The following SEMA3G variants were observed in gnomAD, a reference collection of about 807,000 sequenced individuals.
SEMA3G encodes the protein semaphorin-3G.
In SEMA3G, 70 loss-of-function variants were observed where a neutral mutation model predicts 86.2. The ratio of observed to expected loss-of-function variants is 0.81; its 90% CI spans 0.67 to 0.99. SEMA3G has a LOEUF of 0.99. SEMA3G is among the 50% of genes least tolerant of loss of function. The pLI is 0.00. For missense variants in SEMA3G, 1,002 were observed against 1,072.4 expected, an observed-to-expected ratio of 0.93 and a Z score of 0.92; for synonymous variants, 416 against 441.4, an observed-to-expected ratio of 0.94 and a Z score of 0.72.
At position 52,439,983 on chromosome 3, in the gene SEMA3G, G is replaced by A; in HGVS notation, c.1259C>T (p.Pro420Leu). 6.2e-7 allele frequency: 1 copy of A among 1,613,684 alleles called. No individual in the cohort carries two copies. The highest frequency in any genetic ancestry group is 8.5e-7 in the Non-Finnish European group (1 of 1,179,958). The change falls in exon 11 of 16, where the codon CCT becomes CTT. Residue 420 changes from proline to leucine, a missense_variant. By Grantham distance (98) the Pro-to-Leu change is moderately conservative. Coordinates refer to ENST00000231721, the MANE Select transcript of SEMA3G (RefSeq NM_020163.3). The stretch of plus-strand genomic sequence containing the variant: ...GACAAGGACAGGGCGGCCATGTCGA[G>A]GCCGCACAGGCCAGAACATGAGGGG... ...AHPLMFWPVRPRHGRPVLVKT... is the reference protein window; with the variant it reads ...AHPLMFWPVRLRHGRPVLVKT...
chr3:52,443,154 A>G, intron 1 of SEMA3G: 1 of 913,804 alleles, frequency 1.1e-6, no homozygotes, highest in Non-Finnish European at 1.7e-6. Flanking sequence ...TCCATTCCTT[A>G]GCCCTTCATC....
Position 52,437,832 on chromosome 3 carries a change from G to A in SEMA3G, c.1738+139C>T, listed in dbSNP as rs562494822. On this transcript the variant is annotated intron_variant, in intron 14 of 15. Transcript: ENST00000231721. ...CCAAAGACCCTGCTTCCATGCACTA[G>A]CAGGAGCTACACAGAGAGGGAAACT... 6 of 1,100,838 alleles carry A rather than the reference G, an allele frequency of 5.5e-6. No homozygotes were observed. The African/African-American group carries it at 9.3e-5, about 17-fold the overall frequency. The allele number at this position is 1,100,838 out of a possible 1,614,324, so 68.2% of individuals were successfully genotyped here.
rs139348169 is a variant in SEMA3G at position 52,435,987 on chromosome 3, G to T, written c.1965C>A (p.Cys655Ter). 345 of 1,613,934 alleles carry T rather than the reference G, an allele frequency of 2.1e-4. 1 individual carries two copies. The African/African-American group carries it at 4.0e-3, about 19-fold the overall frequency. Residue 655 changes from cysteine (C) to a stop codon, truncating the protein, a stop_gained, in exon 16 of 16, where the codon TGC (cysteine) becomes TGA (stop). Transcript: ENST00000231721. LOFTEE classifies it low-confidence loss of function (END_TRUNC). ...LSRFDAGTYTCTTLEHGFSQT... is the reference protein window; with the variant it reads ...LSRFDAGTYT ...GGGAGAAGCCATGCTCCAGAGTGGT[G>T]CAGGTGTAGGTGCCCGCATCGAAAC...
chr3:52,435,876 G>T lies in SEMA3G; in HGVS notation c.2076C>A (p.Pro692=), dbSNP rs1706038949. ...TGGAAGCCAGGCCTCCCCGGGCTGG[G>T]GGCTCCTCTGGCTTTGGCTCCGGAG... ...LFPPEPKPEE[P]PARGGLASTP... is the part of the protein sequence containing the mutation. Residue 692 remains proline (P), a synonymous_variant, in exon 16 of 16, where the codon CCC becomes CCA. Transcript: ENST00000231721. The T allele has an allele frequency of 6.2e-7, 1 of 1,613,970 alleles. No homozygotes were observed. Among genetic ancestry groups the T allele is most frequent in the South Asian group, 1.1e-5 (1 of 91,090 alleles).
At position 52,438,070 on chromosome 3, in the gene SEMA3G, A is replaced by T. The variant is rs1257026408; in HGVS notation, c.1639T>A (p.Cys547Ser). The change falls in exon 14 of 16, where the codon TGT becomes AGT. Residue 547 changes from cysteine (C) to serine (S), a missense_variant. Physicochemically the swap from Cys to Ser is moderately radical, Grantham distance 112 (BLOSUM62 -1). Coordinates refer to ENST00000231721, the MANE Select transcript of SEMA3G (RefSeq NM_020163.3). ...CCAAGGCTGGGGCGGTAGTGGGTAC[A>T]GGAGGCACCATCCCAGGCACAGTAT... The part of the protein sequence containing the change: ...DPYCAWDGAS[C>S]THYRPSLGKR... The T allele has an allele frequency of 1.2e-6, 2 of 1,613,214 alleles. No homozygotes were observed. The highest frequency in any genetic ancestry group is 1.7e-6 in the Non-Finnish European group (2 of 1,180,024).
chr3:52,439,959 A>T lies in SEMA3G; in HGVS notation c.1283T>A (p.Val428Asp), dbSNP rs1559610150. 6.2e-7 allele frequency: 1 copy of T among 1,613,798 alleles called. No individual in the cohort carries two copies. Among genetic ancestry groups the T allele is most frequent in the South Asian group, 1.1e-5 (1 of 91,082 alleles). The change falls in exon 11 of 16, where the codon GTC becomes GAC. Residue 428 changes from valine (V) to aspartate (D), a missense_variant. Physicochemically the swap from Val to Asp is radical, Grantham distance 152. Coordinates refer to ENST00000231721, the MANE Select transcript of SEMA3G (RefSeq NM_020163.3). ...TAGCTGCTGGGCCAGGTGGGTCTTG[A>T]CAAGGACAGGGCGGCCATGTCGAGG... Reference protein sequence around the residue: ...VRPRHGRPVLVKTHLAQQLHQ... With the variant: ...VRPRHGRPVLDKTHLAQQLHQ...
In SEMA3G at chr3:52,441,572, A is replaced by C. The variant is rs113336077; in HGVS notation, c.667+2T>G. On this transcript the variant is annotated splice_donor_variant, in intron 6 of 15. Coordinates refer to ENST00000231721, the MANE Select transcript of SEMA3G (RefSeq NM_020163.3). LOFTEE classifies it high-confidence loss of function. The stretch of plus-strand genomic sequence containing the variant: ...CCTGCCAGTTCCAGGGGCAGGCCTC[A>C]CCGTGCAAGAGACTCTGGTCAGAGT... 12 of 1,611,986 alleles carry C rather than the reference A, an allele frequency of 7.4e-6. No homozygotes were observed. Among genetic ancestry groups the C allele is most frequent in the Non-Finnish European group, 1.0e-5 (12 of 1,178,800 alleles).
chr3:52,439,069 G>A (rs1706099421), intron 12 of SEMA3G, 108 bp from the exon 13 acceptor site: 2 of 1,235,192 alleles, frequency 1.6e-6, no homozygotes, highest in East Asian at 2.4e-5. Flanking sequence ...CTAGCTCCCA[G>A]GCTGGGTCTT....
In SEMA3G at chr3:52,435,545, G is replaced by T; in HGVS notation, c.*58C>A. On this transcript the variant is annotated 3_prime_UTR_variant, in exon 16 of 16. Coordinates refer to ENST00000231721, the MANE Select transcript of SEMA3G (RefSeq NM_020163.3). ...TGCCCTAGCTGGGTGGGTGGGAGATGCTGGGGGCTGCTAGTGGGCCCCCCA... is the reference window on the plus strand; with the variant it reads ...TGCCCTAGCTGGGTGGGTGGGAGATTCTGGGGGCTGCTAGTGGGCCCCCCA... The T allele has an allele frequency of 1.3e-6, 2 of 1,520,790 alleles. No individual in the cohort carries two copies. The highest frequency in any genetic ancestry group is 1.8e-6 in the Non-Finnish European group (2 of 1,120,514). 94.2% of individuals were successfully genotyped at this position (1,520,790 alleles called of 1,614,324 possible). A position where few individuals can be genotyped will look rare whatever the true frequency, so the allele number is the denominator to read the frequency against.
At position 52,442,220 on chromosome 3, in the gene SEMA3G, T is replaced by G; in HGVS notation, c.424A>C (p.Thr142Pro). ...TGGCCAACTGTGATGAGGGCACAGG[T>G]GGGCTGGAAGGCCCCAGTGCCACAG... ...LACGTGAFQP[T>P]CALITVGHRG... Residue 142 changes from threonine (T) to proline (P), a missense_variant, in exon 4 of 16, where the codon ACC becomes CCC. Coordinates refer to ENST00000231721, the MANE Select transcript of SEMA3G (RefSeq NM_020163.3). The surrounding 1 kb of genome is among the most constrained non-coding windows in gnomAD (Gnocchi z 6.1). The G allele has an allele frequency of 6.2e-7, 1 of 1,613,684 alleles. No individual in the cohort carries two copies. Among genetic ancestry groups the G allele is most frequent in the Non-Finnish European group, 8.5e-7 (1 of 1,179,866 alleles).
At chr3:52,443,113 C>T (rs112434928) in intron 1 of SEMA3G, 16 of 1,424,406 alleles carry the variant, frequency 1.1e-5, no homozygotes, top group Non-Finnish European at 1.5e-5. Context: ...CCCACCTGGC[C>T]CAGCCTACCC....
chr3:52,442,351 A>G lies in SEMA3G; in HGVS notation c.340-47T>C. 1 of 1,366,336 alleles carries G rather than the reference A, an allele frequency of 7.3e-7. No homozygotes were observed. Among genetic ancestry groups the G allele is most frequent in the Non-Finnish European group, 9.8e-7 (1 of 1,025,488 alleles). The allele number at this position is 1,366,336 out of a possible 1,614,324, so 84.6% of individuals were successfully genotyped here. A position where few individuals can be genotyped will look rare whatever the true frequency, so the allele number is the denominator to read the frequency against. On this transcript the variant is annotated intron_variant, in intron 3 of 15. Transcript: ENST00000231721. The surrounding 1 kb of genome is among the most constrained non-coding windows in gnomAD (Gnocchi z 6.1). Reference sequence around the variant, plus strand: ...GGTTGAGGGGTGAGAGGGGGTGCCCACCATCTCCTTGGGGCCCAAGGCTCA... The same window carrying G: ...GGTTGAGGGGTGAGAGGGGGTGCCCGCCATCTCCTTGGGGCCCAAGGCTCA...
rs781131746 is a variant in SEMA3G at position 52,440,016 on chromosome 3, C to T, written c.1226G>A (p.Arg409Gln). The T allele has an allele frequency of 5.6e-6, 9 of 1,612,168 alleles. No homozygotes were observed. The highest frequency in any genetic ancestry group is 2.2e-5 in the South Asian group (2 of 91,030). Residue 409 changes from arginine to glutamine, a missense_variant, in exon 11 of 16, where the codon CGA becomes CAA. Physicochemically the swap from Arg to Gln is conservative, Grantham distance 43 (BLOSUM62 1). Transcript: ENST00000231721. ...AGGCCAGAACATGAGGGGGTGGGCTCGGGCAAACTGCAGCACCTCATCTGG... is the reference window on the plus strand; with the variant it reads ...AGGCCAGAACATGAGGGGGTGGGCTTGGGCAAACTGCAGCACCTCATCTGG... ...DYPDEVLQFA[R>Q]AHPLMFWPVR...
At position 52,444,952 on chromosome 3, in the gene SEMA3G, G is replaced by T. The variant is rs980681557; in HGVS notation, c.76C>A (p.Pro26Thr). The part of the protein sequence containing the change: ...LLHGGSSGPS[P>T]GPSVPRLRLS... ...CGCAGGCGGGGCACACTGGGGCCGG[G>T]GCTGGGGCCAGAGCTACCCCCATGG... Residue 26 changes from proline (P) to threonine (T), a missense_variant, in exon 1 of 16, where the codon CCC (proline) becomes ACC (threonine). Transcript: ENST00000231721. 13 of 1,304,108 alleles carry T rather than the reference G, an allele frequency of 1.0e-5. No homozygotes were observed. The highest frequency in any genetic ancestry group is 4.1e-5 in the Admixed American group (1 of 24,100). The allele number at this position is 1,304,108 out of a possible 1,614,324, so 80.8% of individuals were successfully genotyped here.
In SEMA3G at chr3:52,441,887, C is replaced by T. The variant is rs1164515506; in HGVS notation, c.482G>A (p.Gly161Asp). Residue 161 changes from glycine (G) to aspartate (D), a missense_variant, in exon 5 of 16, where the codon GGC becomes GAC. Transcript: ENST00000231721. ...RGEHVLHLEP[G>D]SVESGRGRCP... ...CCGCCCCCGGCCACTTTCCACACTG[C>T]CAGGCTCCAGGTGGAGCACATGCTA... 1.3e-6 allele frequency: 2 copies of T among 1,578,436 alleles called. No homozygotes were observed. Among genetic ancestry groups the T allele is most frequent in the South Asian group, 1.1e-5 (1 of 87,002 alleles).
chr3:52,444,207 C>T (rs1320548881), intron 1 of SEMA3G, among the ~76,000 whole-genome samples: 1 of 152,168 alleles, frequency 6.6e-6, no homozygotes, highest in Non-Finnish European at 1.5e-5. Context: ...CCTTCAGCCC[C>T]ACCCTCTCTG....
intron 7 of SEMA3G, 65 bp from the exon 8 acceptor site, chr3:52,441,113 C>T: frequency 1.4e-6 from 2 of 1,477,824 alleles, no homozygotes; most frequent in Middle Eastern, 1.8e-4. Context: ...ATCCACTCTT[C>T]TACCCTCACC....
rs754853579 is a variant in SEMA3G at position 52,438,016 on chromosome 3, G to A, written c.1693C>T (p.Arg565Trp). 8 of 1,613,004 alleles carry A rather than the reference G, an allele frequency of 5.0e-6. No individual in the cohort carries two copies. The highest frequency in any genetic ancestry group is 4.5e-5 in the East Asian group (2 of 44,878). ...GKRRFRRQDIRHGNPALQCLG... is the reference protein window; with the variant it reads ...GKRRFRRQDIWHGNPALQCLG... ...CACTGCAGGGCAGGGTTGCCGTGCC[G>A]GATGTCCTGCCGGCGGAACCGGCGC... Residue 565 changes from arginine to tryptophan, a missense_variant, in exon 14 of 16, where the codon CGG becomes TGG. By Grantham distance (101) the Arg-to-Trp change is moderately radical. Coordinates refer to ENST00000231721, the MANE Select transcript of SEMA3G (RefSeq NM_020163.3).
Position 52,441,284 on chromosome 3 carries a change from G to A in SEMA3G, c.793C>T (p.Arg265Cys), listed in dbSNP as rs751358507. Residue 265 changes from arginine (R) to cysteine (C), a missense_variant, in exon 7 of 16, where the codon CGC becomes TGC. Transcript: ENST00000231721. ...DGGSNHVTVS[R>C]VGRVCVNDAG... ...CTTACCACGCAGACGCGGCCCACGC[G>A]GCTGACAGTGACATGGTTCGAGCCA... 96 of 1,613,410 alleles carry A rather than the reference G, an allele frequency of 6.0e-5. No individual in the cohort carries two copies. Among genetic ancestry groups the A allele is most frequent in the Admixed American group, 1.5e-4 (9 of 59,996 alleles).
Sources: gnomAD v4.1 joint callset for allele counts (sites outside exome capture counted in the v4.1 genomes callset) on GRCh38, gnomAD v4.1.1 for gene constraint, Gnocchi (gnomAD v3.1) non-coding constraint, MANE v1.5 for transcripts, NCBI Gene and HGNC (gene_info 2026-07-23, HGNC 2026-07-21) for gene names.